KIAA2012: variants seen among roughly 807,000 people sequenced by gnomAD.
KIAA2012 encodes uncharacterized protein KIAA2012.
A neutral mutation model predicts 150.6 loss-of-function variants in KIAA2012; 125 were observed. The ratio of observed to expected loss-of-function variants is 0.83; its 90% CI spans 0.72 to 0.96. KIAA2012 has a LOEUF of 0.96. KIAA2012 is among the 40% of genes least tolerant of loss of function. KIAA2012 has a pLI of 0.00. For missense variants in KIAA2012, 1,219 were observed against 1,354.9 expected, an observed-to-expected ratio of 0.90 and a Z score of 1.57; for synonymous variants, 462 against 504.7, an observed-to-expected ratio of 0.92 and a Z score of 1.13.
chr2:202,111,509 CAAAAAAAAAAAAA>C (rs71025277), intron 10 of KIAA2012, among the ~76,000 whole-genome samples: 12,710 of 58,412 alleles, frequency 0.22, 946 homozygotes, highest in South Asian at 0.46. Context: ...GACTCTGTCT[CAAAAAAAAAAAAA>C]AAAAAAAAAA....
At chr2:202,122,480 C>G (rs1690675292) in intron 11 of KIAA2012, among the ~76,000 whole-genome samples, 1 of 150,600 alleles carries the variant, frequency 6.6e-6, no homozygotes, top group Non-Finnish European at 1.5e-5. Context: ...CATCTCCAAT[C>G]TTCTACTCAA....
rs146288480 is a variant in KIAA2012, at chr2:202,179,266, A to C, written c.2120-5487A>C. ...AGGCATTGTGACTTAAAAACTGTAC[A>C]TACTTGTGCTTTGGCTCTTCGGGTA... On this transcript the variant is annotated intron_variant, in intron 15 of 23. Coordinates refer to ENST00000498697, the MANE Select transcript of KIAA2012 (RefSeq NM_001277372.4). The C allele has an allele frequency of 1.6e-4, 175 of 1,073,568 alleles. 1 individual carries two copies. In the East Asian group the frequency reaches 5.1e-3, roughly 31 times the overall value. The allele number at this position is 1,073,568 out of a possible 1,614,324, so 66.5% of individuals were successfully genotyped here.
chr2:202,113,498 G>A, intron 11 of KIAA2012, 52 bp downstream of exon 11: 1 of 1,301,186 alleles, frequency 7.7e-7, no homozygotes, highest in South Asian at 1.4e-5. Context: ...CAAAGGGGAA[G>A]ATGTTACCTG....
At chr2:202,085,035 G>C (rs927528994) in intron 2 of KIAA2012, among the ~76,000 whole-genome samples, 5 of 152,160 alleles carry the variant, frequency 3.3e-5, no homozygotes, top group African/African-American at 9.7e-5. Flanking sequence ...TTCTTCAACA[G>C]GTTGGAAGTG....
Position 202,074,913 on chromosome 2 carries a change from C to A in KIAA2012, c.107C>A (p.Pro36Gln), listed in dbSNP as rs1237323657. ...CAGGATTACTTGAACTGGAGGTCCC[C>A]AGAAGACTATGTTCCTGTCAGCAAA... ...EPEDYLNWRSPEDYVPVSKPQ... is the reference protein window; with the variant it reads ...EPEDYLNWRSQEDYVPVSKPQ... The change falls in exon 2 of 24, where the codon CCA becomes CAA. Residue 36 changes from proline to glutamine, a missense_variant. Pro to Gln is a moderately conservative substitution (Grantham distance 76). Transcript: ENST00000498697. 2 of 1,549,704 alleles carry A rather than the reference C, an allele frequency of 1.3e-6. No individual in the cohort carries two copies. Among genetic ancestry groups the A allele is most frequent in the African/African-American group, 2.7e-5 (2 of 72,966 alleles).
In KIAA2012 at chr2:202,204,011, C is replaced by T. The variant is rs540861236; in HGVS notation, c.*21-987C>T. 1.1e-4 allele frequency among the ~76,000 whole-genome samples: 17 copies of T among 151,894 alleles called. No homozygotes were observed. The South Asian group carries it at 2.3e-3, about 20-fold the overall frequency. On this transcript the variant is annotated intron_variant, in intron 23 of 23. Transcript: ENST00000498697. ...GTCTCGATCTCCTGACCTTGTGATC[C>T]GCCTACCTTGGCCTCCCAGAGTGCT... is the stretch of plus-strand genomic sequence containing the variant.
At chr2:202,126,004 G>T (rs1015583542) in intron 12 of KIAA2012, 48 of 324,170 alleles carry the variant, frequency 1.5e-4, no homozygotes, top group South Asian at 1.1e-3. Flanking sequence ...GCCCAGGCTG[G>T]AGTGCAATGG....
chr2:202,154,632 T>A (rs963376879), intron 13 of KIAA2012, 41 bp from the exon 14 acceptor site: 1 of 1,508,304 alleles, frequency 6.6e-7, no homozygotes, highest in Non-Finnish European at 8.8e-7. Flanking sequence ...GCACTGTATA[T>A]CATTCATATG....
intron 15 of KIAA2012, among the ~76,000 whole-genome samples, chr2:202,183,801 G>A (rs1007187976): frequency 6.6e-6 from 1 of 152,050 alleles, no homozygotes; most frequent in Non-Finnish European, 1.5e-5. Context: ...CCTAACATTT[G>A]TTTTTTAAAA....
intron 19 of KIAA2012, 33 bp downstream of exon 19, chr2:202,190,526 A>T: frequency 7.0e-7 from 1 of 1,427,036 alleles, no homozygotes; most frequent in Middle Eastern, 1.8e-4. Context: ...TGACAGAGGA[A>T]GTTCTGTTCT....
intron 18 of KIAA2012, among the ~76,000 whole-genome samples, chr2:202,188,728 G>A (rs1275154049): frequency 6.6e-6 from 1 of 152,102 alleles, no homozygotes; most frequent in Non-Finnish European, 1.5e-5. Context: ...AGATTCTATT[G>A]CCACTGCCTC....
intron 12 of KIAA2012, chr2:202,125,958 TTTTTTTTTTTTTTG>T: frequency 5.7e-6 from 2 of 350,444 alleles, no homozygotes; most frequent in African/African-American, 5.3e-5. Context: ...TTTTTTTTTT[TTTTTTTTTTTTTTG>T]AGATGGAGTT....
chr2:202,145,388 C>T (rs1691273941), intron 13 of KIAA2012, among the ~76,000 whole-genome samples: 1 of 152,098 alleles, frequency 6.6e-6, no homozygotes, highest in South Asian at 2.1e-4. Context: ...TTTGTCTGCC[C>T]CAAAACGCCC....
Position 202,138,484 on chromosome 2 carries a change from G to A in KIAA2012, c.1884G>A (p.Pro628=), listed in dbSNP as rs138546094. The A allele has an allele frequency of 1.1e-3, 1,636 of 1,550,174 alleles. 2 individuals are homozygous for A. Among genetic ancestry groups the A allele is most frequent in the Admixed American group, 2.0e-3 (102 of 50,986 alleles). ...NLHMNLYETS[P]LTQTTEKQGA... ...ACATGAACCTTTATGAAACCTCACC[G>A]TTGACCCAAACAACAGAGAAGCAGG... The change falls in exon 13 of 24, where the codon CCG becomes CCA. Residue 628 remains proline, a synonymous_variant. Transcript: ENST00000498697.
intron 13 of KIAA2012, among the ~76,000 whole-genome samples, chr2:202,153,000 T>C (rs1224043157): frequency 6.6e-6 from 1 of 152,096 alleles, no homozygotes; most frequent in Non-Finnish European, 1.5e-5. Context: ...GTCCCAAAAA[T>C]AATAAATTTT....
intron 11 of KIAA2012, among the ~76,000 whole-genome samples, chr2:202,120,560 G>T (rs917120882): frequency 2.0e-5 from 3 of 152,218 alleles, no homozygotes; most frequent in Middle Eastern, 3.4e-3. Context: ...TCTTATCCAG[G>T]TTTCCAAGCT....
In KIAA2012 at chr2:202,194,382, CT is replaced by C. The variant is rs1692375336; in HGVS notation, c.3187+23del. ...GGGCCGGTGAGGGGGTTCTTGAGCT[CT>C]TTGCATCTCTCTTCTACTTGGGGCA... is the stretch of plus-strand genomic sequence containing the variant. On this transcript the variant is annotated intron_variant, in intron 21 of 23. Transcript: ENST00000498697. The C allele has an allele frequency of 1.3e-6, 2 of 1,548,450 alleles. No homozygotes were observed. The highest frequency in any genetic ancestry group is 1.7e-6 in the Non-Finnish European group (2 of 1,146,724).
Position 202,125,111 on chromosome 2 carries a change from C to T in KIAA2012, c.1763-103C>T, listed in dbSNP as rs1690748484. On this transcript the variant is annotated intron_variant, in intron 11 of 23. Transcript: ENST00000498697. ...GAAACAGTTCATTGCAAAGCTTAAA[C>T]ACTGAGGCAATCACTTCATGTTTTC... 6 of 912,650 alleles carry T rather than the reference C, an allele frequency of 6.6e-6. No homozygotes were observed. In the South Asian group the frequency reaches 9.2e-5, roughly 14 times the overall value. The allele number at this position is 912,650 out of a possible 1,614,324, so 56.5% of individuals were successfully genotyped here.
At chr2:202,163,984 G>A (rs1297947634) in intron 14 of KIAA2012, among the ~76,000 whole-genome samples, 2 of 151,976 alleles carry the variant, frequency 1.3e-5, no homozygotes, top group Non-Finnish European at 2.9e-5. Context: ...AGTCAGAGGG[G>A]AATTAAAGAG....
Sources: allele counts gnomAD v4.1 joint callset (sites outside exome capture counted in the v4.1 genomes callset), GRCh38; gene constraint gnomAD v4.1.1; transcripts MANE v1.5; gene names NCBI Gene and HGNC (gene_info 2026-07-23, HGNC 2026-07-21).